The following CTPS2 variants were observed in gnomAD, a reference collection of about 807,000 sequenced individuals.
CTPS2 encodes CTP synthase 2.
In CTPS2, 19 loss-of-function variants were observed where a neutral mutation model predicts 46.8. That is an observed-to-expected ratio of 0.41 (90% CI 0.28 to 0.60). The LOEUF (loss-of-function observed/expected upper bound fraction) is 0.60, where lower values mean the gene tolerates loss of function less well. Ranked by LOEUF, CTPS2 falls within the 20% of genes least tolerant of loss-of-function variation. The pLI is 0.35. For synonymous variants in CTPS2, 151 were observed against 165.2 expected (o/e 0.91, Z 0.66); for missense variants, 286 against 447.6 (o/e 0.64, Z 3.26).
intron 17 of CTPS2, 143 bp from the exon 18 acceptor site, chrX:16,591,005 C>T (rs888273046): frequency 2.4e-6 from 1 of 422,134 alleles, no homozygotes; most frequent in Admixed American, 4.2e-5. Context: ...ACTTTCTAGT[C>T]ACCACAGGAA....
At chrX:16,592,281 T>C (rs1928944678) in intron 17 of CTPS2, among the ~76,000 whole-genome samples, 1 of 112,020 alleles carries the variant, frequency 8.9e-6, no homozygotes, top group Non-Finnish European at 1.9e-5. Flanking sequence ...GCTTTTTGCT[T>C]GTTAATCTGT....
rs1218432506 is a variant in CTPS2 at position 16,702,810 on chromosome X, T to C, written c.93A>G (p.Gly31=). 1 of 1,209,694 alleles carries C rather than the reference T, an allele frequency of 8.3e-7. No individual in the cohort carries two copies. The highest frequency in any genetic ancestry group is 3.0e-5 in the East Asian group (1 of 33,809). The part of the protein sequence containing the change: ...SSIGTILKSC[G]LRVTAIKIDP... Reference sequence around the variant, plus strand: ...CGATTTTTATGGCAGTAACTCGGAGTCCACATGATTTTAGAATCGTTCCAA... The same window carrying C: ...CGATTTTTATGGCAGTAACTCGGAGCCCACATGATTTTAGAATCGTTCCAA... The change falls in exon 2 of 19, where the codon GGA becomes GGG. Residue 31 remains glycine, a synonymous_variant. Coordinates refer to ENST00000359276, the MANE Select transcript of CTPS2 (RefSeq NM_175859.3).
At chrX:16,680,850 G>A (rs1156868057) in intron 9 of CTPS2, among the ~76,000 whole-genome samples, 2 of 110,626 alleles carry the variant, frequency 1.8e-5, no homozygotes, top group Non-Finnish European at 3.8e-5. Context: ...TGAGCAGTTC[G>A]AGACCAGCCT....
In CTPS2 at chrX:16,693,077, A is replaced by G. The variant is rs771163663; in HGVS notation, c.639+64T>C. 1.2e-3 allele frequency: 926 copies of G among 754,233 alleles called. 1 individual carries two copies. The highest frequency in any genetic ancestry group is 1.6e-3 in the Non-Finnish European group (831 of 504,333). The allele number at this position is 754,233 out of a possible 1,213,427, so 62.2% of individuals were successfully genotyped here. Reference sequence around the variant, plus strand: ...GTCTCAAATTAAAAAAAAAAAAAAAAAAGAAGTGAAGGTCCTGCTCCCAGA... The same window carrying G: ...GTCTCAAATTAAAAAAAAAAAAAAAGAAGAAGTGAAGGTCCTGCTCCCAGA... On this transcript the variant is annotated intron_variant, in intron 6 of 18. Coordinates refer to ENST00000359276, the MANE Select transcript of CTPS2 (RefSeq NM_175859.3).
intron 17 of CTPS2, among the ~76,000 whole-genome samples, chrX:16,597,431 C>T (rs939311058): frequency 1.3e-4 from 15 of 112,172 alleles, no homozygotes; most frequent in Admixed American, 1.0e-3. Context: ...GTTTTCCCAG[C>T]ACCATTTATT....
chrX:16,637,466 G>T (rs1453896681), intron 14 of CTPS2, among the ~76,000 whole-genome samples: 1 of 112,362 alleles, frequency 8.9e-6, no homozygotes, highest in Non-Finnish European at 1.9e-5. Context: ...CAATCTGCCG[G>T]CCACAGCCTC....
At chrX:16,649,832 GC>G (rs1252708858) in intron 13 of CTPS2, among the ~76,000 whole-genome samples, 2 of 112,036 alleles carry the variant, frequency 1.8e-5, no homozygotes, top group Non-Finnish European at 3.8e-5. Flanking sequence ...ATTTTTTAAA[GC>G]CTAAATATGC....
chrX:16,690,675 C>A (rs1443434659), intron 7 of CTPS2, among the ~76,000 whole-genome samples: 9 of 111,708 alleles, frequency 8.1e-5, no homozygotes, highest in African/African-American at 2.9e-4. Context: ...TAACTCCAAT[C>A]CCTTATAACC....
At chrX:16,633,946 C>T (rs1052853790) in intron 14 of CTPS2, among the ~76,000 whole-genome samples, 1 of 111,876 alleles carries the variant, frequency 8.9e-6, no homozygotes, top group Non-Finnish European at 1.9e-5. Flanking sequence ...TTCAAAAGAA[C>T]GAAAACACTG....
At chrX:16,687,781 T>C (rs1923355982) in intron 8 of CTPS2, among the ~76,000 whole-genome samples, 1 of 111,468 alleles carries the variant, frequency 9.0e-6, no homozygotes, top group Non-Finnish European at 1.9e-5. Flanking sequence ...TCAATCTGAT[T>C]AGTCATCTAC....
At chrX:16,611,414 G>T (rs1387410341) in intron 16 of CTPS2, among the ~76,000 whole-genome samples, 1 of 108,867 alleles carries the variant, frequency 9.2e-6, no homozygotes, top group Non-Finnish European at 1.9e-5. Context: ...TAATACCACT[G>T]CACTCCAGCC....
At chrX:16,689,367 C>T (rs964747564) in intron 8 of CTPS2, 83 bp downstream of exon 8, 20 of 1,006,271 alleles carry the variant, frequency 2.0e-5, no homozygotes, top group South Asian at 1.1e-4. Context: ...CAAATACACA[C>T]GCTTACCCTT....
At chrX:16,685,033 G>C (rs758902502) in intron 8 of CTPS2, among the ~76,000 whole-genome samples, 2 of 111,357 alleles carry the variant, frequency 1.8e-5, no homozygotes, top group Non-Finnish European at 3.8e-5. Flanking sequence ...AGGGGTTGCA[G>C]TGAACCGAGA....
At chrX:16,621,725 T>G (rs905602494) in intron 14 of CTPS2, among the ~76,000 whole-genome samples, 1 of 111,609 alleles carries the variant, frequency 9.0e-6, no homozygotes, top group Non-Finnish European at 1.9e-5. Flanking sequence ...AAAGACATCA[T>G]GAGGCTGGAA....
At chrX:16,619,414 C>A (rs1355653330) in intron 15 of CTPS2, among the ~76,000 whole-genome samples, 3 of 112,029 alleles carry the variant, frequency 2.7e-5, no homozygotes, top group Non-Finnish European at 5.6e-5. Context: ...GGCAGGTAAT[C>A]TAAGTTGATT....
At chrX:16,622,898 T>C (rs1465765340) in intron 14 of CTPS2, among the ~76,000 whole-genome samples, 2 of 111,718 alleles carry the variant, frequency 1.8e-5, no homozygotes, top group Non-Finnish European at 3.8e-5. Flanking sequence ...AGTTTCCTCA[T>C]CTATAAAATA....
chrX:16,676,628 T>C (rs1922296119), intron 10 of CTPS2, among the ~76,000 whole-genome samples: 1 of 112,433 alleles, frequency 8.9e-6, no homozygotes, highest in South Asian at 3.6e-4. Context: ...GAAAAAATTA[T>C]GTTTCAAGAA....
upstream of CTPS2, chrX:16,712,892 G>A (rs1469979862): frequency 2.7e-5 from 3 of 111,515 alleles, no homozygotes; most frequent in East Asian, 5.7e-4. Flanking sequence ...AGGAACTGCA[G>A]GAGCGCTCAG....
intron 17 of CTPS2, among the ~76,000 whole-genome samples, chrX:16,605,250 C>G (rs1929905088): frequency 9.0e-6 from 1 of 111,678 alleles, no homozygotes; most frequent in African/African-American, 3.3e-5. Context: ...ACTGGCTCAT[C>G]TGGGCAGAAA....
Sources: gnomAD v4.1 joint callset for allele counts (sites outside exome capture counted in the v4.1 genomes callset) on GRCh38, gnomAD v4.1.1 for gene constraint, MANE v1.5 for transcripts, NCBI Gene and HGNC (gene_info 2026-07-23, HGNC 2026-07-21) for gene names.